The following FHIT variants were observed in gnomAD, a reference collection of about 807,000 sequenced individuals.
The protein encoded by FHIT is bis(5'-adenosyl)-triphosphatase.
A neutral mutation model predicts 17.9 loss-of-function variants in FHIT; 19 were observed. The ratio of observed to expected loss-of-function variants is 1.06; its 90% CI spans 0.74 to 1.56. FHIT has a LOEUF of 1.56. FHIT is among the 40% of genes most tolerant of loss of function. The pLI is 0.00. For synonymous variants in FHIT, 81 were observed against 69.7 expected (o/e 1.16, Z -0.81); for missense variants, 248 against 189.2 (o/e 1.31, Z -1.82).
intron 5 of FHIT, among the ~76,000 whole-genome samples, chr3:60,192,021 C>T (rs1039470110): frequency 2.0e-5 from 3 of 151,900 alleles, no homozygotes; most frequent in African/African-American, 7.3e-5. Context: ...GAGACTGAGG[C>T]GGGTGGATTA....
chr3:60,768,475 G>A (rs1268808933), intron 4 of FHIT, among the ~76,000 whole-genome samples: 6 of 152,156 alleles, frequency 3.9e-5, no homozygotes, highest in East Asian at 1.9e-4. Flanking sequence ...TAGTATCTAC[G>A]GTGGCCAAAT....
chr3:59,832,181 A>G (rs1701187550), intron 8 of FHIT, among the ~76,000 whole-genome samples: 2 of 152,288 alleles, frequency 1.3e-5, no homozygotes, highest in South Asian at 4.1e-4. Flanking sequence ...TGTTGGAGCC[A>G]CTTCATATCT....
chr3:60,242,311 C>G (rs1342680402), intron 5 of FHIT, among the ~76,000 whole-genome samples: 3 of 152,034 alleles, frequency 2.0e-5, no homozygotes, highest in African/African-American at 7.2e-5. Context: ...TATAATATTT[C>G]ATGTTGGCTT....
intron 2 of FHIT, among the ~76,000 whole-genome samples, chr3:61,166,357 T>C (rs1370536387): frequency 1.3e-5 from 2 of 152,156 alleles, no homozygotes; most frequent in African/African-American, 4.8e-5. Context: ...TGCTTTCTTC[T>C]CTACTCCTCG....
At chr3:60,240,960 A>AT in intron 5 of FHIT, among the ~76,000 whole-genome samples, 1 of 152,200 alleles carries the variant, frequency 6.6e-6, no homozygotes, top group Non-Finnish European at 1.5e-5. Flanking sequence ...TAAGGAAACT[A>AT]TTTCAGAACT....
At chr3:60,410,679 C>T (rs1325555755) in intron 5 of FHIT, among the ~76,000 whole-genome samples, 2 of 152,068 alleles carry the variant, frequency 1.3e-5, no homozygotes, top group Non-Finnish European at 2.9e-5. Context: ...ACAGTATATT[C>T]TTCATTTCAT....
chr3:60,039,902 G>T (rs1701367045), intron 5 of FHIT, among the ~76,000 whole-genome samples: 1 of 152,142 alleles, frequency 6.6e-6, no homozygotes, highest in Non-Finnish European at 1.5e-5. Flanking sequence ...GAAATTATGA[G>T]TTCACAAATT....
At chr3:61,081,417 C>A (rs749852465) in intron 2 of FHIT, among the ~76,000 whole-genome samples, 20 of 152,312 alleles carry the variant, frequency 1.3e-4, no homozygotes, top group Non-Finnish European at 2.8e-4. Context: ...TGGCTGAAAG[C>A]AGAATGAGGA....
At chr3:60,443,239 T>A (rs1249914877) in intron 5 of FHIT, among the ~76,000 whole-genome samples, 3 of 152,204 alleles carry the variant, frequency 2.0e-5, no homozygotes, top group Admixed American at 6.5e-5. Context: ...TTTGACTTCC[T>A]CTTTTCCTAA....
At chr3:59,877,875 T>C (rs892538283) in intron 8 of FHIT, among the ~76,000 whole-genome samples, 1 of 152,180 alleles carries the variant, frequency 6.6e-6, no homozygotes, top group African/African-American at 2.4e-5. Context: ...TGGATAACCA[T>C]GAATGGTGAG....
At position 60,526,137 on chromosome 3, in the gene FHIT, T is replaced by TACACACACACACACACACACACAC. The variant is rs59137290; in HGVS notation, c.103+10699_103+10722dup. Among the ~76,000 whole-genome samples, 218 of 148,152 alleles carry TACACACACACACACACACACACAC rather than the reference T, an allele frequency of 1.5e-3. 3 individuals carry two copies. Among genetic ancestry groups the TACACACACACACACACACACACAC allele is most frequent in the Admixed American group, 9.4e-3 (140 of 14,880 alleles). On this transcript the variant is annotated intron_variant, in intron 5 of 9. Transcript: ENST00000492590. ...AACACAAAATGAAACACACAACACA[T>TACACACACACACACACACACACAC]ACACACACACACACACACACACACA... is the stretch of plus-strand genomic sequence containing the variant.
intron 5 of FHIT, among the ~76,000 whole-genome samples, chr3:60,255,716 GA>G (rs1018470958): frequency 5.9e-5 from 9 of 152,046 alleles, no homozygotes; most frequent in Non-Finnish European, 7.4e-5. Flanking sequence ...TGGCCTCCAG[GA>G]GGAACCATGA....
At chr3:60,033,455 T>C (rs943329788) in intron 5 of FHIT, among the ~76,000 whole-genome samples, 10 of 150,396 alleles carry the variant, frequency 6.6e-5, no homozygotes, top group Non-Finnish European at 1.2e-4. Flanking sequence ...GATCGCGCCA[T>C]TGCACTCCAG....
intron 3 of FHIT, among the ~76,000 whole-genome samples, chr3:60,955,635 C>CATATATATATATACATATATATACAT: frequency 4.1e-5 from 2 of 48,368 alleles, no homozygotes; most frequent in East Asian, 5.2e-4. Flanking sequence ...TATATATATA[C>CATATATATATATACATATATATACAT]ACACACACAC....
chr3:60,557,518 G>A (rs1441786492), intron 4 of FHIT, among the ~76,000 whole-genome samples: 1 of 151,772 alleles, frequency 6.6e-6, no homozygotes, highest in Non-Finnish European at 1.5e-5. Context: ...ATTACTCAGA[G>A]TCCATAAGGT....
chr3:59,884,308 A>T (rs1214905979), intron 8 of FHIT, among the ~76,000 whole-genome samples: 2 of 152,222 alleles, frequency 1.3e-5, no homozygotes, highest in Non-Finnish European at 2.9e-5. Context: ...TAAAATTTAT[A>T]ATAAGCAGTC....
intron 5 of FHIT, among the ~76,000 whole-genome samples, chr3:60,336,762 A>G (rs1710259035): frequency 1.3e-5 from 2 of 152,202 alleles, no homozygotes; most frequent in South Asian, 4.1e-4. Flanking sequence ...GAATTAGATA[A>G]TAACATACAG....
At chr3:59,887,245 G>A (rs1342355406) in intron 8 of FHIT, among the ~76,000 whole-genome samples, 3 of 152,144 alleles carry the variant, frequency 2.0e-5, no homozygotes, top group Non-Finnish European at 4.4e-5. Context: ...ACGAACCAGA[G>A]CAAGAACAGT....
intron 3 of FHIT, among the ~76,000 whole-genome samples, chr3:60,825,032 GAA>G (rs1702065646): frequency 6.6e-6 from 1 of 152,150 alleles, no homozygotes; most frequent in African/African-American, 2.4e-5. Context: ...TAGTTAACAT[GAA>G]AAAGACTGAC....
Sources: gnomAD v4.1 joint callset for allele counts (sites outside exome capture counted in the v4.1 genomes callset) on GRCh38, gnomAD v4.1.1 for gene constraint, MANE v1.5 for transcripts, NCBI Gene and HGNC (gene_info 2026-07-23, HGNC 2026-07-21) for gene names.